The following ADK variants were observed in gnomAD, a reference collection of about 807,000 sequenced individuals.
ADK encodes N6,N6-dimethyladenosine kinase.
ADK carries 24 observed loss-of-function variants against 44.7 expected under a neutral mutation model. The ratio of observed to expected loss-of-function variants is 0.54; its 90% CI spans 0.39 to 0.76. The LOEUF (loss-of-function observed/expected upper bound fraction) is 0.76, where lower values mean the gene tolerates loss of function less well. Ranked by LOEUF, ADK falls within the 30% of genes least tolerant of loss-of-function variation. The pLI, the probability that ADK is intolerant of heterozygous loss-of-function variation, is 0.00. For synonymous variants in ADK, 128 were observed against 142.6 expected (o/e 0.90, Z 0.73); for missense variants, 321 against 425.1 (o/e 0.76, Z 2.15).
intron 9 of ADK, among the ~76,000 whole-genome samples, chr10:74,643,113 A>T (rs1233123919): frequency 6.6e-6 from 1 of 152,106 alleles, no homozygotes; most frequent in Non-Finnish European, 1.5e-5. Flanking sequence ...AAGTGCTGGG[A>T]TTACAGGCAT....
intron 4 of ADK, among the ~76,000 whole-genome samples, chr10:74,349,872 A>C (rs1348568960): frequency 1.3e-5 from 2 of 152,182 alleles, no homozygotes; most frequent in African/African-American, 4.8e-5. Flanking sequence ...GCTATCGTAA[A>C]TATATATGCA....
chr10:74,678,427 A>G (rs565840790), intron 10 of ADK, among the ~76,000 whole-genome samples: 3 of 152,356 alleles, frequency 2.0e-5, no homozygotes, highest in East Asian at 3.9e-4. Context: ...CACTTTGTTC[A>G]TGTGAAATAC....
At chr10:74,542,401 A>G (rs1339292185) in intron 7 of ADK, among the ~76,000 whole-genome samples, 2 of 152,228 alleles carry the variant, frequency 1.3e-5, no homozygotes, top group Admixed American at 6.5e-5. Context: ...TGAAAAACAA[A>G]TTTACTAAGA....
At chr10:74,198,984 C>T (rs1016832720) in intron 1 of ADK, among the ~76,000 whole-genome samples, 2 of 152,058 alleles carry the variant, frequency 1.3e-5, no homozygotes, top group Non-Finnish European at 2.9e-5. Flanking sequence ...AAAGTTTTAG[C>T]TAGACATTTT....
intron 4 of ADK, among the ~76,000 whole-genome samples, chr10:74,337,679 T>C (rs1380761348): frequency 1.3e-5 from 2 of 152,224 alleles, no homozygotes; most frequent in African/African-American, 4.8e-5. Context: ...TTTTTGTATA[T>C]TAATCTGTGT....
At chr10:74,371,663 T>C in intron 4 of ADK, 3 of 1,030,360 alleles carry the variant, frequency 2.9e-6, no homozygotes, top group African/African-American at 1.6e-5. Flanking sequence ...TAAGGAAAAG[T>C]GATGGCATCC....
intron 2 of ADK, among the ~76,000 whole-genome samples, chr10:74,201,300 G>T (rs532980161): frequency 2.8e-4 from 42 of 152,220 alleles, no homozygotes; most frequent in African/African-American, 9.9e-4. Flanking sequence ...TGCTGTTTCC[G>T]CTTTATTAGT....
At chr10:74,639,311 T>C (rs2134091751) in intron 9 of ADK, among the ~76,000 whole-genome samples, 1 of 152,348 alleles carries the variant, frequency 6.6e-6, no homozygotes, top group Non-Finnish European at 1.5e-5. Flanking sequence ...TATCCTTTTA[T>C]ACAGCAATTT....
At chr10:74,678,187 T>C (rs1432856262) in intron 10 of ADK, among the ~76,000 whole-genome samples, 1 of 149,194 alleles carries the variant, frequency 6.7e-6, no homozygotes, top group Non-Finnish European at 1.5e-5. Flanking sequence ...CCACAGATAG[T>C]AGTTCAGGTT....
At chr10:74,688,654 C>T (rs1188435847) in intron 10 of ADK, among the ~76,000 whole-genome samples, 1 of 152,164 alleles carries the variant, frequency 6.6e-6, no homozygotes, top group Non-Finnish European at 1.5e-5. Context: ...GTGGCTTACG[C>T]GTGTAATCCC....
At chr10:74,349,263 C>T (rs1295403716) in intron 4 of ADK, among the ~76,000 whole-genome samples, 1 of 152,184 alleles carries the variant, frequency 6.6e-6, no homozygotes, top group Admixed American at 6.5e-5. Flanking sequence ...CATTATTCAA[C>T]ATTCTTAAAG....
At chr10:74,686,396 G>A (rs964113568) in intron 10 of ADK, among the ~76,000 whole-genome samples, 1 of 152,110 alleles carries the variant, frequency 6.6e-6, no homozygotes, top group African/African-American at 2.4e-5. Flanking sequence ...GAGGTGATTA[G>A]GCCTTGATGG....
intron 6 of ADK, among the ~76,000 whole-genome samples, chr10:74,448,964 G>C (rs1292941085): frequency 6.6e-6 from 1 of 152,034 alleles, no homozygotes; most frequent in Non-Finnish European, 1.5e-5. Flanking sequence ...TTGAAATAAT[G>C]AGATTGTATT....
intron 3 of ADK, among the ~76,000 whole-genome samples, chr10:74,303,298 T>C (rs1403616138): frequency 6.6e-6 from 1 of 152,182 alleles, no homozygotes; most frequent in East Asian, 1.9e-4. Flanking sequence ...TTTCCTTTTA[T>C]GGAATATTTT....
chr10:74,246,533 T>G (rs914519992), intron 3 of ADK, among the ~76,000 whole-genome samples: 9 of 152,210 alleles, frequency 5.9e-5, no homozygotes, highest in African/African-American at 2.2e-4. Context: ...ATAGAAAGAC[T>G]GGTTAATATC....
At chr10:74,555,315 A>G (rs75430703) in intron 7 of ADK, among the ~76,000 whole-genome samples, 41 of 152,268 alleles carry the variant, frequency 2.7e-4, no homozygotes, top group African/African-American at 9.4e-4. Flanking sequence ...TTCTTTTTCT[A>G]TATTTAACTG....
chr10:74,372,180 G>T, intron 4 of ADK: 1 of 756,568 alleles, frequency 1.3e-6, no homozygotes, highest in Non-Finnish European at 2.4e-6. Flanking sequence ...GCAGCCTGCT[G>T]CTGAAAAGGC....
chr10:74,519,434 C>G (rs532331992), intron 6 of ADK, among the ~76,000 whole-genome samples: 5 of 152,072 alleles, frequency 3.3e-5, no homozygotes, highest in African/African-American at 1.2e-4. Flanking sequence ...TCAAGCCTCT[C>G]TTTGCACTAG....
chr10:74,700,772 CTCT>C (rs750458164), intron 10 of ADK, among the ~76,000 whole-genome samples: 4 of 152,262 alleles, frequency 2.6e-5, no homozygotes, highest in Non-Finnish European at 4.4e-5. Context: ...AAGAGAGTCA[CTCT>C]TCTTTGAGCA....
Sources: gnomAD v4.1 joint callset for allele counts (sites outside exome capture counted in the v4.1 genomes callset) on GRCh38, gnomAD v4.1.1 for gene constraint, MANE v1.5 for transcripts, NCBI Gene and HGNC (gene_info 2026-07-23, HGNC 2026-07-21) for gene names.